The following PYGM variants were observed in gnomAD, a reference collection of about 807,000 sequenced individuals.
PYGM encodes glycogen phosphorylase, muscle associated.
PYGM carries 81 observed loss-of-function variants against 99.3 expected under a neutral mutation model. That is an observed-to-expected ratio of 0.82 (90% CI 0.68 to 0.98). The LOEUF (loss-of-function observed/expected upper bound fraction) is 0.98. Among genes scored for constraint, PYGM ranks in the 50% least tolerant of loss-of-function variants. The pLI is 0.00. For missense variants in PYGM, 1,030 were observed against 1,158.1 expected, an observed-to-expected ratio of 0.89 and a Z score of 1.61; for synonymous variants, 436 against 451.5, an observed-to-expected ratio of 0.97 and a Z score of 0.44.
Position 64,747,207 on chromosome 11 carries a change from C to G in PYGM, c.2312+17G>C, listed in dbSNP as rs753587035. The G allele has an allele frequency of 1.2e-6, 2 of 1,613,698 alleles. No individual in the cohort carries two copies. Among genetic ancestry groups the G allele is most frequent in the Non-Finnish European group, 1.7e-6 (2 of 1,179,728 alleles). On this transcript the variant is annotated intron_variant, in intron 18 of 19. Transcript: ENST00000164139. ...CCTGCGGCCCCACCTGAGTGATTCC[C>G]GGGCCAACCAGCTCACCGGTCATGG...
At chr11:64,758,542 A>G (rs375344400) in intron 2 of PYGM, 27 bp from the exon 3 acceptor site, 12 of 1,613,834 alleles carry the variant, frequency 7.4e-6, no homozygotes, top group African/African-American at 1.3e-5. Flanking sequence ...GACAGTGGTC[A>G]GGGTCAAGTG....
At position 64,747,281 on chromosome 11, in the gene PYGM, G is replaced by A. The variant is rs571207448; in HGVS notation, c.2255C>T (p.Ser752Phe). Residue 752 changes from serine to phenylalanine, a missense_variant, in exon 18 of 20, where the codon TCC becomes TTC. By Grantham distance (155) the Ser-to-Phe change is radical. Transcript: ENST00000164139. ...CTTGAACAGGTCGGGCTGTTTGGGG[G>A]AGAAGAAGCCACTGCTCAGCTGCTC... ...VIEQLSSGFFSPKQPDLFKDI... is the reference protein window; with the variant it reads ...VIEQLSSGFFFPKQPDLFKDI... The A allele has an allele frequency of 1.9e-6, 3 of 1,614,198 alleles. No homozygotes were observed. The African/African-American group carries it at 4.0e-5, about 22-fold the overall frequency.
In PYGM at chr11:64,751,932, A is replaced by G. The variant is rs761438921; in HGVS notation, c.1760T>C (p.Leu587Pro). The change falls in exon 14 of 20, where the codon CTG (leucine) becomes CCG (proline). Residue 587 changes from leucine (L) to proline (P), a missense_variant. Leu to Pro is a moderately conservative substitution (Grantham distance 98). Transcript: ENST00000164139. The stretch of plus-strand genomic sequence containing the variant: ...GAGTGGCTGCCACTCACGGTTGTAC[A>G]GGGTGATGACATGGAGGCAGTTGAG... ...QLLNCLHVIT[L>P]YNRIKREPNK... The G allele has an allele frequency of 3.7e-6, 6 of 1,614,214 alleles. No individual in the cohort carries two copies. In the Admixed American group the frequency reaches 6.7e-5, roughly 18 times the overall value.
In PYGM at chr11:64,746,678, G is replaced by T. The variant is rs1296372306; in HGVS notation, c.2510C>A (p.Ala837Asp). 5 of 1,614,062 alleles carry T rather than the reference G, an allele frequency of 3.1e-6. No homozygotes were observed. The African/African-American group carries it at 6.7e-5, about 22-fold the overall frequency. ...GVEPSRQRLP[A>D]PDEAI ...GGAGGCTCAGATGGCCTCATCCGGG[G>T]CTGGCAGGCGCTGGCGGGAAGGCTC... is the stretch of plus-strand genomic sequence containing the variant. Residue 837 changes from alanine (A) to aspartate (D), a missense_variant, in exon 20 of 20, where the codon GCC becomes GAC. Transcript: ENST00000164139.
rs2058360148 is a variant in PYGM at position 64,751,997 on chromosome 11, G to A, written c.1695C>T (p.Asp565=). 6.2e-7 allele frequency: 1 copy of A among 1,613,948 alleles called. No homozygotes were observed. The highest frequency in any genetic ancestry group is 1.1e-5 in the South Asian group (1 of 91,090). ...KVHINPNSLF[D]IQVKRIHEYK... Reference sequence around the variant, plus strand: ...ATTCGTGAATCCGCTTCACCTGGATGTCGAAGAGTGAGTTGGGGTTGATGT... The same window carrying A: ...ATTCGTGAATCCGCTTCACCTGGATATCGAAGAGTGAGTTGGGGTTGATGT... Residue 565 remains aspartate (D), a synonymous_variant, in exon 14 of 20, where the codon GAC becomes GAT. Coordinates refer to ENST00000164139, the MANE Select transcript of PYGM (RefSeq NM_005609.4).
Position 64,750,781 on chromosome 11 carries a change from G to T in PYGM, c.1970-198C>A, listed in dbSNP as rs1034712528. On this transcript the variant is annotated intron_variant, in intron 16 of 19. Coordinates refer to ENST00000164139, the MANE Select transcript of PYGM (RefSeq NM_005609.4). The stretch of plus-strand genomic sequence containing the variant: ...CCTCTTGTTGATTCTTGACCATCTA[G>T]GTCCAACCTGGATTTCCCCACCTCT... Among the ~76,000 whole-genome samples the T allele has an allele frequency of 3.3e-5, 5 of 152,266 alleles. No homozygotes were observed. In the East Asian group the frequency reaches 9.6e-4, roughly 29 times the overall value.
At chr11:64,749,539 G>A (rs1397812821) in intron 17 of PYGM, among the ~76,000 whole-genome samples, 1 of 151,608 alleles carries the variant, frequency 6.6e-6, no homozygotes, top group Non-Finnish European at 1.5e-5. Flanking sequence ...CTACTCGGGA[G>A]GTAGAGGCAG....
chr11:64,754,447 T>A lies in PYGM; in HGVS notation c.1000-102A>T. The A allele has an allele frequency of 9.9e-7, 1 of 1,007,664 alleles. No individual in the cohort carries two copies. The highest frequency in any genetic ancestry group is 3.9e-5 in the East Asian group (1 of 25,842). The allele number at this position is 1,007,664 out of a possible 1,614,324, so 62.4% of individuals were successfully genotyped here. Reference sequence around the variant, plus strand: ...GCCCCCAGAGAGCCCAGCACGGTTCTGTGACTGGGCTGTGGGCAGAGGCAG... The same window carrying A: ...GCCCCCAGAGAGCCCAGCACGGTTCAGTGACTGGGCTGTGGGCAGAGGCAG... On this transcript the variant is annotated intron_variant, in intron 8 of 19. Transcript: ENST00000164139. The surrounding 1 kb of genome is among the most constrained non-coding windows in gnomAD (Gnocchi z 5.5).
chr11:64,747,133 C>T (rs1255361536), intron 18 of PYGM, 91 bp downstream of exon 18: 1 of 1,582,024 alleles, frequency 6.3e-7, no homozygotes, highest in African/African-American at 1.3e-5. Context: ...GCTCCAACTA[C>T]CAGGACCCGC....
chr11:64,759,540 T>G, intron 1 of PYGM, 116 bp downstream of exon 1: 1 of 1,511,924 alleles, frequency 6.6e-7, no homozygotes, highest in Non-Finnish European at 8.9e-7. Context: ...CTGGCACCCC[T>G]GGATTCTCCA....
chr11:64,758,224 A>G (rs749508713), intron 4 of PYGM, 22 bp downstream of exon 4: 2 of 1,589,130 alleles, frequency 1.3e-6, no homozygotes, highest in South Asian at 1.1e-5. Flanking sequence ...AGACCCCACA[A>G]GTTAGAGCCA....
Position 64,751,999 on chromosome 11 carries a change from CGAA to C in PYGM, c.1690_1692del (p.Phe564del), listed in dbSNP as rs768545222. 1.2e-6 allele frequency: 2 copies of C among 1,613,982 alleles called. No individual in the cohort carries two copies. The highest frequency in any genetic ancestry group is 2.2e-5 in the South Asian group (2 of 91,068). ...TCGTGAATCCGCTTCACCTGGATGT[CGAA>C]GAGTGAGTTGGGGTTGATGTGGACT... On this transcript the variant is annotated inframe_deletion, in exon 14 of 20. Coordinates refer to ENST00000164139, the MANE Select transcript of PYGM (RefSeq NM_005609.4).
rs1189839546 is a variant in PYGM, at chr11:64,758,728, G to C, written c.244-24C>G. On this transcript the variant is annotated intron_variant, in intron 1 of 19. Transcript: ENST00000164139. ...CTCTGCCCAGAGAGACGGATGGGCA[G>C]GGAATGGGGTCAGGGCCACACACCA... The C allele has an allele frequency of 3.2e-6, 5 of 1,567,992 alleles. No homozygotes were observed. The African/African-American group carries it at 6.8e-5, about 21-fold the overall frequency.
chr11:64,753,982 G>A lies in PYGM; in HGVS notation c.1136C>T (p.Thr379Met), dbSNP rs1131691807. 6.2e-6 allele frequency: 10 copies of A among 1,606,364 alleles called. No homozygotes were observed. The highest frequency in any genetic ancestry group is 1.1e-5 in the South Asian group (1 of 89,848). The change falls in exon 10 of 20, where the codon ACG (threonine) becomes ATG (methionine). Residue 379 changes from threonine (T) to methionine (M), a missense_variant. Transcript: ENST00000164139. ...GCGCTCCAGGGCCTCGGGCAGCACC[G>A]TGTGGTTGGTGTAGGCACAGGTCCT... The part of the protein sequence containing the change: ...TVRTCAYTNH[T>M]VLPEALERWP...
Position 64,754,419 on chromosome 11 carries a change from G to A in PYGM, c.1000-74C>T. The A allele has an allele frequency of 7.5e-7, 1 of 1,335,342 alleles. No individual in the cohort carries two copies. The highest frequency in any genetic ancestry group is 2.4e-5 in the East Asian group (1 of 42,544). The allele number at this position is 1,335,342 out of a possible 1,614,324, so 82.7% of individuals were successfully genotyped here. ...TATGGTCACTGCCCTATGCCATTTGGAGGCCCCCAGAGAGCCCAGCACGGT... is the reference window on the plus strand; with the variant it reads ...TATGGTCACTGCCCTATGCCATTTGAAGGCCCCCAGAGAGCCCAGCACGGT... On this transcript the variant is annotated intron_variant, in intron 8 of 19. Transcript: ENST00000164139. The surrounding 1 kb of genome is among the most constrained non-coding windows in gnomAD (Gnocchi z 5.5).
In PYGM at chr11:64,759,740, G is replaced by A; in HGVS notation, c.159C>T (p.Tyr53=). ...CGCGCACGGTATGGGCCAGAGCAAA[G>A]TAGTAGTCTCGTGGGGTGGCCACAT... The part of the protein sequence containing the change: ...DRNVATPRDY[Y]FALAHTVRDH... Residue 53 remains tyrosine, a synonymous_variant, in exon 1 of 20, where the codon TAC becomes TAT. Transcript: ENST00000164139. The A allele has an allele frequency of 1.2e-6, 2 of 1,614,232 alleles. No individual in the cohort carries two copies. Among genetic ancestry groups the A allele is most frequent in the Non-Finnish European group, 1.7e-6 (2 of 1,180,042 alleles).
chr11:64,747,340 G>C lies in PYGM; in HGVS notation c.2196C>G (p.Tyr732Ter). The stretch of plus-strand genomic sequence containing the variant: ...GCCGAAGCTCAGGAATGCGATCGTA[G>C]TACTCCTGGGCATTGTACCTGCCAG... ...LDQRGYNAQE[Y>*]YDRIPELRQV... The change falls in exon 18 of 20, where the codon TAC becomes TAG. Residue 732 changes from tyrosine to a stop codon, truncating the protein, a stop_gained. Transcript: ENST00000164139. LOFTEE classifies it high-confidence loss of function. 6.2e-7 allele frequency: 1 copy of C among 1,614,188 alleles called. No homozygotes were observed. The highest frequency in any genetic ancestry group is 8.5e-7 in the Non-Finnish European group (1 of 1,180,026).
In PYGM at chr11:64,752,476, A is replaced by G. The variant is rs762045147; in HGVS notation, c.1547T>C (p.Leu516Pro). ...ERIGEDFISD[L>P]DQLRKLLSFV... ...GGAGAGCAGTTTGCGCAGCTGGTCCAGGTCAGAGATGAAGTCCTCCCCGAT... is the reference window on the plus strand; with the variant it reads ...GGAGAGCAGTTTGCGCAGCTGGTCCGGGTCAGAGATGAAGTCCTCCCCGAT... The change falls in exon 13 of 20, where the codon CTG becomes CCG. Residue 516 changes from leucine (L) to proline (P), a missense_variant. Leu to Pro is a moderately conservative substitution (Grantham distance 98). Coordinates refer to ENST00000164139, the MANE Select transcript of PYGM (RefSeq NM_005609.4). 1 of 1,614,094 alleles carries G rather than the reference A, an allele frequency of 6.2e-7. No homozygotes were observed. Among genetic ancestry groups the G allele is most frequent in the African/African-American group, 1.3e-5 (1 of 74,952 alleles).
In PYGM at chr11:64,750,461, C is replaced by T. The variant is rs773962878; in HGVS notation, c.2092G>A (p.Val698Met). 1 of 1,614,148 alleles carries T rather than the reference C, an allele frequency of 6.2e-7. No homozygotes were observed. Among genetic ancestry groups the T allele is most frequent in the East Asian group, 2.2e-5 (1 of 44,886 alleles). Residue 698 changes from valine to methionine, a missense_variant, in exon 17 of 20, where the codon GTG becomes ATG. Physicochemically the swap from Val to Met is conservative, Grantham distance 21 (BLOSUM62 1). Coordinates refer to ENST00000164139, the MANE Select transcript of PYGM (RefSeq NM_005609.4). ...LTIGTMDGANVEMAEEAGEEN... is the reference protein window; with the variant it reads ...LTIGTMDGANMEMAEEAGEEN... Reference sequence around the variant, plus strand: ...TCTCCCGCCTCTTCTGCCATCTCCACATTGGCCCCGTCCATGGTGCCAATG... The same window carrying T: ...TCTCCCGCCTCTTCTGCCATCTCCATATTGGCCCCGTCCATGGTGCCAATG...
Sources: allele counts gnomAD v4.1 joint callset (sites outside exome capture counted in the v4.1 genomes callset), GRCh38; gene constraint gnomAD v4.1.1; non-coding constraint Gnocchi (gnomAD v3.1); transcripts MANE v1.5; gene names NCBI Gene and HGNC (gene_info 2026-07-23, HGNC 2026-07-21).